Variants in TMC8 observed in about 807,000 individuals in gnomAD.
TMC8 encodes the protein transmembrane channel-like protein 8.
TMC8 carries 71 observed loss-of-function variants against 76.0 expected under a neutral mutation model. The observed-to-expected ratio is 0.93, with a 90% CI of 0.77 to 1.14. The LOEUF (loss-of-function observed/expected upper bound fraction) is 1.14, where lower values mean the gene tolerates loss of function less well. TMC8 is among the 50% of genes most tolerant of loss of function. TMC8 has a pLI of 0.00. For synonymous variants in TMC8, 433 were observed against 433.8 expected, an observed-to-expected ratio of 1.00 and a Z score of 0.02; for missense variants, 924 against 947.9, an observed-to-expected ratio of 0.97 and a Z score of 0.33.
intron 6 of TMC8, 96 bp from the exon 7 acceptor site, chr17:78,133,757 C>T: frequency 6.3e-7 from 1 of 1,577,396 alleles, no homozygotes; most frequent in South Asian, 1.1e-5. Flanking sequence ...GCACCTGGGG[C>T]TGCAGGGGCC....
rs772553846 is a variant in TMC8 at position 78,138,171 on chromosome 17, A to G, written c.1516A>G (p.Thr506Ala). 2 of 1,613,184 alleles carry G rather than the reference A, an allele frequency of 1.2e-6. No individual in the cohort carries two copies. The highest frequency in any genetic ancestry group is 1.7e-6 in the Non-Finnish European group (2 of 1,179,824). The stretch of plus-strand genomic sequence containing the variant: ...GCTGAATAGCGTCTTCCTCTTCCTC[A>G]CCTTCTACATCAAGAAGGTGACGGC... ...PLLNSVFLFLTFYIKKYTLLK... is the reference protein window; with the variant it reads ...PLLNSVFLFLAFYIKKYTLLK... The change falls in exon 12 of 16, where the codon ACC (threonine) becomes GCC (alanine). Residue 506 changes from threonine to alanine, a missense_variant. Physicochemically the swap from Thr to Ala is moderately conservative, Grantham distance 58. Coordinates refer to ENST00000318430, the MANE Select transcript of TMC8 (RefSeq NM_152468.5).
chr17:78,134,899 G>GC lies in TMC8; in HGVS notation c.1022dup (p.Gly342TrpfsTer66). 1 of 1,614,052 alleles carries GC rather than the reference G, an allele frequency of 6.2e-7. No homozygotes were observed. Among genetic ancestry groups the GC allele is most frequent in the Non-Finnish European group, 8.5e-7 (1 of 1,180,010 alleles). ...CCCTGTTTCTGCTGCTCCAGTACCT[G>GC]CCCCCTGGGGTCATCGCCCTGGTCA... On this transcript the variant is annotated frameshift_variant, in exon 9 of 16. Coordinates refer to ENST00000318430, the MANE Select transcript of TMC8 (RefSeq NM_152468.5). LOFTEE classifies it high-confidence loss of function.
chr17:78,133,472 A>G lies in TMC8; in HGVS notation c.598A>G (p.Ser200Gly). The G allele has an allele frequency of 6.2e-7, 1 of 1,613,666 alleles. No individual in the cohort carries two copies. The change falls in exon 6 of 16, where the codon AGC becomes GGC. Residue 200 changes from serine (S) to glycine (G), a missense_variant. Coordinates refer to ENST00000318430, the MANE Select transcript of TMC8 (RefSeq NM_152468.5). ...GGGGCCGGAGAGCAGCTCCGTGTAC[A>G]GCATCCGCCTGGCCTACCTCCTCAG... Reference protein sequence around the residue: ...RVGPESSSVYSIRLAYLLSPL... With the variant: ...RVGPESSSVYGIRLAYLLSPL...
At chr17:78,134,322 A>T in intron 7 of TMC8, 72 bp from the exon 8 acceptor site, 1 of 1,545,758 alleles carries the variant, frequency 6.5e-7, no homozygotes, top group Non-Finnish European at 8.8e-7. Context: ...TGTGTGTGAG[A>T]GCGTTTCCTG....
chr17:78,141,028 G>T lies in TMC8; in HGVS notation c.2097G>T (p.Ala699=). The change falls in exon 16 of 16, where the codon GCG becomes GCT. Residue 699 remains alanine (A), a synonymous_variant. Transcript: ENST00000318430. ...PRPGPSVVDA[A]GLRSPCPGQH... is the part of the protein sequence containing the mutation. ...CGGGCCCCTCCGTCGTGGATGCCGCGGGACTGCGTTCCCCTTGCCCTGGAC... is the reference window on the plus strand; with the variant it reads ...CGGGCCCCTCCGTCGTGGATGCCGCTGGACTGCGTTCCCCTTGCCCTGGAC... 6.2e-7 allele frequency: 1 copy of T among 1,603,632 alleles called. No individual in the cohort carries two copies. Among genetic ancestry groups the T allele is most frequent in the East Asian group, 2.3e-5 (1 of 44,368 alleles).
In TMC8 at chr17:78,138,001, G is replaced by A. The variant is rs1316923256; in HGVS notation, c.1350-4G>A. The A allele has an allele frequency of 6.2e-7, 1 of 1,613,704 alleles. No homozygotes were observed. Among genetic ancestry groups the A allele is most frequent in the African/African-American group, 1.3e-5 (1 of 74,910 alleles). On this transcript the variant is annotated splice_region_variant and splice_polypyrimidine_tract_variant and intron_variant, in intron 11 of 15. Transcript: ENST00000318430. ...TGAGTACCTGGACCCTCCCATCCCT[G>A]CAGGCTGCTGGTGGACCGGTTCTCA...
At chr17:78,139,521 A>G (rs1432705162) in intron 15 of TMC8, among the ~76,000 whole-genome samples, 1 of 152,128 alleles carries the variant, frequency 6.6e-6, no homozygotes, top group African/African-American at 2.4e-5. Flanking sequence ...GATCACTTGA[A>G]GCCATGAGTT....
rs1383156201 is a variant in TMC8, at chr17:78,138,397, T to C, written c.1582T>C (p.Ser528Pro). ...SRASSRPFRA[S>P]SSTFFFQLVL... is the part of the protein sequence containing the mutation. ...GGCATCTTCGCGGCCCTTCCGTGCC[T>C]CCAGCTCCACCTTCTTCTTCCAGCT... Residue 528 changes from serine (S) to proline (P), a missense_variant, in exon 13 of 16, where the codon TCC becomes CCC. Coordinates refer to ENST00000318430, the MANE Select transcript of TMC8 (RefSeq NM_152468.5). The C allele has an allele frequency of 1.9e-6, 3 of 1,612,314 alleles. No individual in the cohort carries two copies. In the African/African-American group the frequency reaches 4.0e-5, roughly 22 times the overall value.
Position 78,133,488 on chromosome 17 carries a change from A to C in TMC8, c.614A>C (p.Tyr205Ser). 6.2e-7 allele frequency: 1 copy of C among 1,613,434 alleles called. No homozygotes were observed. The highest frequency in any genetic ancestry group is 8.5e-7 in the Non-Finnish European group (1 of 1,179,974). Residue 205 changes from tyrosine to serine, a missense_variant, in exon 6 of 16, where the codon TAC becomes TCC. Physicochemically the swap from Tyr to Ser is moderately radical, Grantham distance 144. Transcript: ENST00000318430. Reference sequence around the variant, plus strand: ...TCCGTGTACAGCATCCGCCTGGCCTACCTCCTCAGCCCGCTGGCCTGCCTG... The same window carrying C: ...TCCGTGTACAGCATCCGCCTGGCCTCCCTCCTCAGCCCGCTGGCCTGCCTG... ...SSSVYSIRLA[Y>S]LLSPLACLLL...
chr17:78,131,627 T>C lies in TMC8; in HGVS notation c.39T>C (p.Pro13=), dbSNP rs770085880. 9 of 1,552,974 alleles carry C rather than the reference T, an allele frequency of 5.8e-6. 1 individual carries two copies. In the South Asian group the frequency reaches 1.1e-4, roughly 18 times the overall value. ...LPRSVSSERA[P]GVPEPEELWE... Reference sequence around the variant, plus strand: ...GGTCGGTGTCATCGGAGCGGGCCCCTGGGGTGCCGGAGCCGGAGGAGCTGT... The same window carrying C: ...GGTCGGTGTCATCGGAGCGGGCCCCCGGGGTGCCGGAGCCGGAGGAGCTGT... Residue 13 remains proline, a synonymous_variant, in exon 2 of 16, where the codon CCT becomes CCC. Transcript: ENST00000318430.
intron 9 of TMC8, chr17:78,137,018 A>G: frequency 3.2e-6 from 2 of 628,172 alleles, no homozygotes; most frequent in South Asian, 3.7e-5. Context: ...CTTGAAACAA[A>G]ACGAAAACAC....
chr17:78,140,140 T>C (rs547078383), intron 15 of TMC8, among the ~76,000 whole-genome samples: 4 of 152,164 alleles, frequency 2.6e-5, no homozygotes, highest in Non-Finnish European at 5.9e-5. Flanking sequence ...CTGAGCAACA[T>C]AGCAAGACCT....
At position 78,141,702 on chromosome 17, in the gene TMC8, C is replaced by A. The variant is rs904751586; in HGVS notation, c.*590C>A. 2.0e-5 allele frequency: 3 copies of A among 152,306 alleles called. No homozygotes were observed. The highest frequency in any genetic ancestry group is 7.2e-5 in the African/African-American group (3 of 41,480). The allele number at this position is 152,306 out of a possible 1,614,324, so 9.4% of individuals were successfully genotyped here. A position where few individuals can be genotyped will look rare whatever the true frequency, so the allele number is the denominator to read the frequency against. On this transcript the variant is annotated 3_prime_UTR_variant, in exon 16 of 16. Transcript: ENST00000318430. ...GCACTCGGGCTCCAGAGCCACACTG[C>A]CCCAGTGTGGGGCTTAGTGGCGGCT...
intron 11 of TMC8, 31 bp downstream of exon 11, chr17:78,137,845 C>T (rs1454082291): frequency 3.7e-6 from 6 of 1,607,846 alleles, no homozygotes; most frequent in African/African-American, 1.3e-5. Context: ...TCCAGAAGGG[C>T]GGGGGTGCCG....
At chr17:78,139,132 A>C (rs761828463) in intron 14 of TMC8, 30 bp from the exon 15 acceptor site, 3 of 1,612,862 alleles carry the variant, frequency 1.9e-6, no homozygotes. Flanking sequence ...CCCCAGGGGC[A>C]ACTGACCACG....
rs564696847 is a variant in TMC8, at chr17:78,136,791, G to A, written c.1128-444G>A. 19 of 311,570 alleles carry A rather than the reference G, an allele frequency of 6.1e-5. No individual in the cohort carries two copies. In the East Asian group the frequency reaches 7.8e-4, roughly 13 times the overall value. 19.3% of individuals were successfully genotyped at this position (311,570 alleles called of 1,614,324 possible). ...AAAACAGAACCCTTGGCCAGGCGCC[G>A]TGGCCCACACCTGTAATCCCAGCAC... is the stretch of plus-strand genomic sequence containing the variant. On this transcript the variant is annotated intron_variant, in intron 9 of 15. Coordinates refer to ENST00000318430, the MANE Select transcript of TMC8 (RefSeq NM_152468.5).
intron 8 of TMC8, 144 bp downstream of exon 8, chr17:78,134,708 C>A: frequency 1.3e-6 from 2 of 1,501,684 alleles, no homozygotes; most frequent in Non-Finnish European, 1.8e-6. Context: ...GGCGGGCTCC[C>A]ACTGGATATT....
At chr17:78,134,225 G>A (rs747033403) in intron 7 of TMC8, among the ~76,000 whole-genome samples, 169 bp from the exon 8 acceptor site, 9 of 152,236 alleles carry the variant, frequency 5.9e-5, no homozygotes, top group African/African-American at 1.4e-4. Flanking sequence ...TGGCGAGCAC[G>A]CCTGTGAATG....
In TMC8 at chr17:78,137,866, G is replaced by T. The variant is rs773679181; in HGVS notation, c.1349+52G>T. On this transcript the variant is annotated intron_variant, in intron 11 of 15. Transcript: ENST00000318430. Reference sequence around the variant, plus strand: ...AGGGCGGGGGTGCCGCGAGCATGTTGGGGGTGGCCAGTGGCTACAGCCAAG... The same window carrying T: ...AGGGCGGGGGTGCCGCGAGCATGTTTGGGGTGGCCAGTGGCTACAGCCAAG... 7 of 1,602,830 alleles carry T rather than the reference G, an allele frequency of 4.4e-6. No individual in the cohort carries two copies. In the Admixed American group the frequency reaches 1.2e-4, roughly 27 times the overall value.
Sources: gnomAD v4.1 joint callset for allele counts (sites outside exome capture counted in the v4.1 genomes callset) on GRCh38, gnomAD v4.1.1 for gene constraint, MANE v1.5 for transcripts, NCBI Gene and HGNC (gene_info 2026-07-23, HGNC 2026-07-21) for gene names.